Variants in KIFAP3 observed in about 807,000 individuals in gnomAD.
The protein encoded by KIFAP3 is kinesin associated protein 3, also known as kinesin-associated protein 3.
Under a neutral mutation model 106.5 loss-of-function variants are expected in KIFAP3, and 68 were observed. The observed-to-expected ratio is 0.64, with a 90% CI of 0.53 to 0.78. The LOEUF (loss-of-function observed/expected upper bound fraction) is 0.78. KIFAP3 is among the 30% of genes least tolerant of loss of function. The pLI, the probability that KIFAP3 is intolerant of heterozygous loss-of-function variation, is 0.00. For missense variants in KIFAP3, 780 were observed against 941.8 expected, an observed-to-expected ratio of 0.83 and a Z score of 2.25; for synonymous variants, 320 against 311.5, an observed-to-expected ratio of 1.03 and a Z score of -0.29.
intron 1 of KIFAP3, among the ~76,000 whole-genome samples, chr1:170,081,686 C>A (rs1209084822): frequency 1.3e-5 from 2 of 152,190 alleles, no homozygotes; most frequent in Non-Finnish European, 2.9e-5. Context: ...TGACCACAGC[C>A]AGGAAAGGTT....
chr1:169,949,331 C>T (rs1415552), intron 19 of KIFAP3, among the ~76,000 whole-genome samples: 4,154 of 151,896 alleles, frequency 0.027, 90 homozygotes, highest in Non-Finnish European at 0.047. Flanking sequence ...TGTCTTTGAC[C>T]CCACTGAAAT....
At chr1:170,003,185 T>C (rs1392907260) in intron 10 of KIFAP3, among the ~76,000 whole-genome samples, 1 of 152,212 alleles carries the variant, frequency 6.6e-6, no homozygotes, top group Non-Finnish European at 1.5e-5. Flanking sequence ...TCAGTCAAAC[T>C]GCTATATGTG....
intron 2 of KIFAP3, among the ~76,000 whole-genome samples, chr1:170,050,230 A>G (rs1670501636): frequency 6.6e-6 from 1 of 152,170 alleles, no homozygotes; most frequent in African/African-American, 2.4e-5. Flanking sequence ...TCGATCAAGC[A>G]GAATAAAGAT....
chr1:169,954,517 G>A (rs1196651851), intron 18 of KIFAP3, among the ~76,000 whole-genome samples: 1 of 152,128 alleles, frequency 6.6e-6, no homozygotes, highest in Admixed American at 6.5e-5. Flanking sequence ...GTTTGGTATT[G>A]GTAAAGGGTA....
chr1:170,010,430 C>T (rs1469269122), intron 10 of KIFAP3, among the ~76,000 whole-genome samples: 3 of 151,888 alleles, frequency 2.0e-5, no homozygotes, highest in African/African-American at 7.2e-5. Flanking sequence ...TGTGACAAAA[C>T]AATATTAAAA....
Position 170,061,994 on chromosome 1 carries a change from C to T in KIFAP3, c.33-6558G>A, listed in dbSNP as rs192309382. On this transcript the variant is annotated intron_variant, in intron 1 of 19. Coordinates refer to ENST00000361580, the MANE Select transcript of KIFAP3 (RefSeq NM_014970.4). Reference sequence around the variant, plus strand: ...CACTTGGACACAGAATGGGGAACATCACACACTGGGGCCTGTCACGTGGTG... The same window carrying T: ...CACTTGGACACAGAATGGGGAACATTACACACTGGGGCCTGTCACGTGGTG... 3.0e-4 allele frequency among the ~76,000 whole-genome samples: 45 copies of T among 152,078 alleles called. 1 individual carries two copies. The highest frequency in any genetic ancestry group is 8.2e-4 in the African/African-American group (34 of 41,490).
intron 19 of KIFAP3, among the ~76,000 whole-genome samples, chr1:169,948,817 G>T (rs1319473068): frequency 1.3e-5 from 2 of 151,926 alleles, no homozygotes; most frequent in Non-Finnish European, 2.9e-5. Context: ...CTGAATAACT[G>T]CTTTGAAACA....
At chr1:170,083,753 A>G (rs920367941) in intron 1 of KIFAP3, among the ~76,000 whole-genome samples, 1 of 152,176 alleles carries the variant, frequency 6.6e-6, no homozygotes, top group African/African-American at 2.4e-5. Flanking sequence ...ATCCCTTATT[A>G]ATTATATGAC....
At chr1:170,058,677 C>A (rs1007469298) in intron 1 of KIFAP3, among the ~76,000 whole-genome samples, 1 of 152,056 alleles carries the variant, frequency 6.6e-6, no homozygotes, top group African/African-American at 2.4e-5. Context: ...ACTAATGATA[C>A]CTCCATAACA....
chr1:169,942,243 C>T (rs920271164), intron 19 of KIFAP3, among the ~76,000 whole-genome samples: 4 of 152,020 alleles, frequency 2.6e-5, no homozygotes, highest in African/African-American at 9.7e-5. Context: ...AAAGAAATAA[C>T]AAACCATTTT....
chr1:169,944,333 G>A (rs902000209), intron 19 of KIFAP3, among the ~76,000 whole-genome samples: 1 of 152,170 alleles, frequency 6.6e-6, no homozygotes, highest in Admixed American at 6.5e-5. Flanking sequence ...TGTACCGCAC[G>A]CAGCTTCTGC....
chr1:170,016,749 T>C (rs915616361), intron 9 of KIFAP3, 125 bp from the exon 10 acceptor site: 11 of 546,806 alleles, frequency 2.0e-5, no homozygotes, highest in Admixed American at 1.7e-4. Flanking sequence ...GTTAATCTTA[T>C]ACTCCATTTC....
At chr1:170,027,328 C>G (rs765342906) in intron 8 of KIFAP3, among the ~76,000 whole-genome samples, 1 of 152,190 alleles carries the variant, frequency 6.6e-6, no homozygotes, top group East Asian at 1.9e-4. Context: ...CCCTGTCTTG[C>G]TTCTAATCAA....
chr1:170,051,980 G>T (rs886758068), intron 2 of KIFAP3, among the ~76,000 whole-genome samples: 7 of 151,908 alleles, frequency 4.6e-5, no homozygotes, highest in Admixed American at 6.6e-5. Context: ...CAGAAGACAA[G>T]AAATAACTAA....
At chr1:170,020,189 T>C (rs1038207786) in intron 9 of KIFAP3, among the ~76,000 whole-genome samples, 1 of 152,126 alleles carries the variant, frequency 6.6e-6, no homozygotes, top group Non-Finnish European at 1.5e-5. Flanking sequence ...TATTCATGGA[T>C]TGGAAAAATC....
At chr1:170,064,413 G>C (rs1417073326) in intron 1 of KIFAP3, among the ~76,000 whole-genome samples, 1 of 152,194 alleles carries the variant, frequency 6.6e-6, no homozygotes, top group Non-Finnish European at 1.5e-5. Flanking sequence ...GAAGTGCAGT[G>C]GTGTGATCAC....
Position 169,982,035 on chromosome 1 carries a change from C to A in KIFAP3, c.1735G>T (p.Asp579Tyr). ...TTGGCTAGCAATGCAGCACAAGAGT[C>A]ATCCATGGATACAGTTCCAATCATT... ...VIMIGTVSMD[D>Y]SCAALLAKSG... The change falls in exon 15 of 20, where the codon GAC (aspartate) becomes TAC (tyrosine). Residue 579 changes from aspartate (D) to tyrosine (Y), a missense_variant. Around this residue, in one of 3 missense-constraint regions of KIFAP3, gnomAD observed 588 missense variants for 678.9 expected, o/e 0.87. Transcript: ENST00000361580. 6.2e-7 allele frequency: 1 copy of A among 1,613,206 alleles called. No individual in the cohort carries two copies. Among genetic ancestry groups the A allele is most frequent in the African/African-American group, 1.3e-5 (1 of 75,028 alleles).
At chr1:170,003,126 A>C (rs1667749025) in intron 10 of KIFAP3, among the ~76,000 whole-genome samples, 1 of 152,184 alleles carries the variant, frequency 6.6e-6, no homozygotes, top group Non-Finnish European at 1.5e-5. Flanking sequence ...AGATATATAA[A>C]ATAGAAGATG....
chr1:170,037,756 G>A (rs1173182097), intron 5 of KIFAP3, among the ~76,000 whole-genome samples: 2 of 152,112 alleles, frequency 1.3e-5, no homozygotes, highest in Non-Finnish European at 2.9e-5. Flanking sequence ...GGGCAACAGA[G>A]GGAGACCCTG....
Sources: allele counts gnomAD v4.1 joint callset (sites outside exome capture counted in the v4.1 genomes callset), GRCh38; gene constraint gnomAD v4.1.1; regional missense constraint gnomAD v4.1.1; transcripts MANE v1.5; gene names NCBI Gene and HGNC (gene_info 2026-07-23, HGNC 2026-07-21).